HS3ST4: variants seen among roughly 807,000 people sequenced by gnomAD.
HS3ST4 encodes the protein heparan sulfate glucosamine 3-O-sulfotransferase 4.
HS3ST4 carries 17 observed loss-of-function variants against 29.2 expected under a neutral mutation model. The observed-to-expected ratio is 0.58, with a 90% CI of 0.40 to 0.87. HS3ST4 has a LOEUF of 0.87. HS3ST4 is among the 40% of genes least tolerant of loss of function. HS3ST4 has a pLI of 0.00. For missense variants in HS3ST4, 627 were observed against 634.5 expected, an observed-to-expected ratio of 0.99 and a Z score of 0.13; for synonymous variants, 314 against 285.7, an observed-to-expected ratio of 1.10 and a Z score of -1.00.
chr16:25,876,685 G>A (rs1277047982), intron 1 of HS3ST4, among the ~76,000 whole-genome samples: 2 of 152,124 alleles, frequency 1.3e-5, no homozygotes, highest in Admixed American at 6.6e-5. Context: ...GAATGGAGGG[G>A]TGGTCTCGTA....
chr16:25,803,846 G>A (rs8047240), intron 1 of HS3ST4, among the ~76,000 whole-genome samples: 34,507 of 152,058 alleles, frequency 0.23, 4,050 homozygotes, highest in African/African-American at 0.23. Context: ...CTGTTCCTTG[G>A]TAGAACTAAA....
chr16:26,088,122 C>T (rs1377803307), intron 1 of HS3ST4, among the ~76,000 whole-genome samples: 2 of 152,100 alleles, frequency 1.3e-5, no homozygotes, highest in African/African-American at 2.4e-5. Flanking sequence ...TTTTTTCCTG[C>T]CACACTAGCC....
chr16:25,828,184 CTTTCTTTCT>C (rs1170301922), intron 1 of HS3ST4, among the ~76,000 whole-genome samples: 77 of 137,102 alleles, frequency 5.6e-4, no homozygotes, highest in African/African-American at 2.0e-3. Context: ...CTCTCTTTCT[CTTTCTTTCT>C]TTTCTTTCTT....
intron 1 of HS3ST4, among the ~76,000 whole-genome samples, chr16:25,751,290 CAT>C (rs1491354839): frequency 5.9e-5 from 9 of 152,054 alleles, no homozygotes; most frequent in Admixed American, 3.9e-4. Flanking sequence ...TATGTGTGCT[CAT>C]GTGTGTGTGT....
chr16:25,998,572 A>G (rs1027726147), intron 1 of HS3ST4, among the ~76,000 whole-genome samples: 2 of 152,132 alleles, frequency 1.3e-5, no homozygotes, highest in African/African-American at 4.8e-5. Flanking sequence ...AGTATTTTCC[A>G]TTCTTGATCT....
intron 1 of HS3ST4, among the ~76,000 whole-genome samples, chr16:25,936,071 C>T (rs766888515): frequency 3.3e-5 from 5 of 152,076 alleles, no homozygotes; most frequent in Admixed American, 2.0e-4. Flanking sequence ...CACATCCAGC[C>T]GAAATACTAG....
intron 1 of HS3ST4, among the ~76,000 whole-genome samples, chr16:25,789,205 C>G (rs1012706951): frequency 2.0e-5 from 3 of 152,096 alleles, no homozygotes; most frequent in Non-Finnish European, 2.9e-5. Flanking sequence ...CCTCATTTTA[C>G]TGATAGAAGG....
intron 1 of HS3ST4, among the ~76,000 whole-genome samples, chr16:25,816,265 C>T (rs1238855799): frequency 6.8e-6 from 1 of 146,912 alleles, no homozygotes; most frequent in Non-Finnish European, 1.5e-5. Flanking sequence ...CCATTCTGGG[C>T]TACCTTTAGG....
intron 1 of HS3ST4, among the ~76,000 whole-genome samples, chr16:26,013,227 G>T (rs1322782597): frequency 6.6e-6 from 1 of 151,876 alleles, no homozygotes; most frequent in African/African-American, 2.4e-5. Flanking sequence ...ACAAACAGAA[G>T]AACACATGGT....
intron 1 of HS3ST4, among the ~76,000 whole-genome samples, chr16:26,013,458 A>ATAG (rs1311163613): frequency 6.6e-6 from 1 of 152,208 alleles, no homozygotes; most frequent in Non-Finnish European, 1.5e-5. Flanking sequence ...GTCAGCACAC[A>ATAG]TAGAATTCCA....
chr16:26,126,111 G>A (rs1899340285), intron 1 of HS3ST4, among the ~76,000 whole-genome samples: 2 of 152,164 alleles, frequency 1.3e-5, no homozygotes, highest in South Asian at 4.1e-4. Context: ...ACCACTTGTG[G>A]CACAACCCAG....
intron 1 of HS3ST4, among the ~76,000 whole-genome samples, chr16:25,818,763 A>C (rs1967119894): frequency 6.6e-6 from 1 of 152,168 alleles, no homozygotes; most frequent in Non-Finnish European, 1.5e-5. Flanking sequence ...AAAAGCTCTT[A>C]ACCTCATGTT....
intron 1 of HS3ST4, among the ~76,000 whole-genome samples, chr16:26,079,503 T>C: frequency 6.6e-6 from 1 of 152,226 alleles, no homozygotes; most frequent in Non-Finnish European, 1.5e-5. Flanking sequence ...ATTGATTGCA[T>C]CCTTACTATT....
chr16:25,786,295 G>T (rs537236283), intron 1 of HS3ST4, among the ~76,000 whole-genome samples: 2 of 152,098 alleles, frequency 1.3e-5, no homozygotes, highest in Non-Finnish European at 2.9e-5. Flanking sequence ...ATCAGATACC[G>T]ACTGGAGTCC....
chr16:26,039,275 T>C (rs1278255764), intron 1 of HS3ST4, among the ~76,000 whole-genome samples: 3 of 152,224 alleles, frequency 2.0e-5, no homozygotes, highest in African/African-American at 7.2e-5. Flanking sequence ...TCTAAATCTA[T>C]CTTTCCTTCC....
intron 1 of HS3ST4, among the ~76,000 whole-genome samples, chr16:25,992,963 G>A (rs535332871): frequency 9.8e-5 from 15 of 152,296 alleles, no homozygotes; most frequent in Middle Eastern, 3.4e-3. Context: ...CCTTGCTTGC[G>A]TTAGGGGGCC....
At chr16:25,978,727 A>G (rs1300448504) in intron 1 of HS3ST4, among the ~76,000 whole-genome samples, 1 of 152,236 alleles carries the variant, frequency 6.6e-6, no homozygotes, top group Non-Finnish European at 1.5e-5. Context: ...AAGTCACAGC[A>G]TTCTTTTTAT....
At chr16:25,947,875 AAAT>A (rs1968645227) in intron 1 of HS3ST4, among the ~76,000 whole-genome samples, 1 of 152,172 alleles carries the variant, frequency 6.6e-6, no homozygotes, top group African/African-American at 2.4e-5. Flanking sequence ...AAGTGTGGGC[AAAT>A]AATTAATTTC....
chr16:26,136,263 A>G lies in HS3ST4; in HGVS notation c.*15A>G, dbSNP rs750342659. 6.9e-6 allele frequency: 11 copies of G among 1,601,620 alleles called. No individual in the cohort carries two copies. In the East Asian group the frequency reaches 2.5e-4, roughly 36 times the overall value. On this transcript the variant is annotated 3_prime_UTR_variant, in exon 2 of 2. Transcript: ENST00000331351. The stretch of plus-strand genomic sequence containing the variant: ...GTGATAAATGAGGCTAGAGAGGCAG[A>G]GGAAGGCTAGTCAATAAGCTAAGGA...
Sources: allele counts gnomAD v4.1 joint callset (sites outside exome capture counted in the v4.1 genomes callset), GRCh38; gene constraint gnomAD v4.1.1; transcripts MANE v1.5; gene names NCBI Gene and HGNC (gene_info 2026-07-23, HGNC 2026-07-21).